LEPROT: variants seen among roughly 807,000 people sequenced by gnomAD.
The protein encoded by LEPROT is leptin receptor overlapping transcript, also known as leptin receptor gene-related protein.
A neutral mutation model predicts 15.4 loss-of-function variants in LEPROT; 3 were observed. That is an observed-to-expected ratio of 0.19 (90% confidence interval 0.09 to 0.50). LEPROT has a LOEUF of 0.50. Ranked by LOEUF, LEPROT falls within the 20% of genes least tolerant of loss-of-function variation. The pLI, the probability that LEPROT is intolerant of heterozygous loss-of-function variation, is 0.97. For missense variants in LEPROT, 137 were observed against 162.2 expected, an observed-to-expected ratio of 0.84 and a Z score of 0.84; for synonymous variants, 59 against 57.5, an observed-to-expected ratio of 1.03 and a Z score of -0.12.
chr1:65,430,118 T>A (rs1646457911), intron 3 of LEPROT, 70 bp downstream of exon 3: 2 of 1,319,636 alleles, frequency 1.5e-6, no homozygotes, highest in South Asian at 3.6e-5. Context: ...GTCTGGGACC[T>A]CCATTTCATG....
rs1646524429 is a variant in LEPROT, at chr1:65,434,031, T to C, written c.*2112T>C. 4 of 985,206 alleles carry C rather than the reference T, an allele frequency of 4.1e-6. No homozygotes were observed. Among genetic ancestry groups the C allele is most frequent in the Non-Finnish European group, 4.8e-6 (4 of 829,856 alleles). 61.0% of individuals were successfully genotyped at this position (985,206 alleles called of 1,614,324 possible). ...ATTTCTACTACATTTTGCAAAAGTG[T>C]TTTTGTTGCTTATACACATTTTCAA... On this transcript the variant is annotated 3_prime_UTR_variant, in exon 4 of 4. Transcript: ENST00000371065.
intron 3 of LEPROT, among the ~76,000 whole-genome samples, chr1:65,430,963 A>G (rs1646473817): frequency 6.6e-6 from 1 of 152,214 alleles, no homozygotes; most frequent in Non-Finnish European, 1.5e-5. Flanking sequence ...ATTCAAGTGT[A>G]AGAATGCAGT....
intron 3 of LEPROT, among the ~76,000 whole-genome samples, chr1:65,431,185 C>T (rs6660481): frequency 0.29 from 43,813 of 151,986 alleles, 7,950 homozygotes; most frequent in Non-Finnish European, 0.4. Flanking sequence ...CCTTCTTAAG[C>T]GCTGCAGTAA....
rs1299868966 is a variant in LEPROT at position 65,433,954 on chromosome 1, A to G, written c.*2035A>G. 4.1e-6 allele frequency: 4 copies of G among 985,028 alleles called. No individual in the cohort carries two copies. Among genetic ancestry groups the G allele is most frequent in the Non-Finnish European group, 4.8e-6 (4 of 829,680 alleles). The allele number at this position is 985,028 out of a possible 1,614,324, so 61.0% of individuals were successfully genotyped here. On this transcript the variant is annotated 3_prime_UTR_variant, in exon 4 of 4. Coordinates refer to ENST00000371065, the MANE Select transcript of LEPROT (RefSeq NM_017526.5). The stretch of plus-strand genomic sequence containing the variant: ...AATAAGTTTTAGGATACCATCTTGA[A>G]TGTCTAGTTGGTGTGCAATAGCTTT...
In LEPROT at chr1:65,434,595, T is replaced by G; in HGVS notation, c.*2676T>G. 1 of 985,430 alleles carries G rather than the reference T, an allele frequency of 1.0e-6. No individual in the cohort carries two copies. The allele number at this position is 985,430 out of a possible 1,614,324, so 61.0% of individuals were successfully genotyped here. On this transcript the variant is annotated 3_prime_UTR_variant, in exon 4 of 4. Transcript: ENST00000371065. ...TGATACTGAAGGTGCCTGCCTGAGTTTTGGGTCTCTGAGACAGGGTAGTGT... is the reference window on the plus strand; with the variant it reads ...TGATACTGAAGGTGCCTGCCTGAGTGTTGGGTCTCTGAGACAGGGTAGTGT...
intron 1 of LEPROT, among the ~76,000 whole-genome samples, chr1:65,423,364 G>GA (rs1409821056): frequency 3.3e-5 from 5 of 151,888 alleles, no homozygotes; most frequent in African/African-American, 1.2e-4. Context: ...TGTGATTCCT[G>GA]AAAAAAGAGG....
chr1:65,428,740 TAAG>T (rs1445313627), intron 2 of LEPROT, among the ~76,000 whole-genome samples: 1 of 152,168 alleles, frequency 6.6e-6, no homozygotes, highest in Non-Finnish European at 1.5e-5. Flanking sequence ...TTTTTTTTCT[TAAG>T]AAATGAAGCA....
rs1434865368 is a variant in LEPROT, at chr1:65,435,255, T to A, written c.*3336T>A. On this transcript the variant is annotated 3_prime_UTR_variant, in exon 4 of 4. Coordinates refer to ENST00000371065, the MANE Select transcript of LEPROT (RefSeq NM_017526.5). ...TAAGGAAGTCCTTACCTCTGAGGTA[T>A]CTCCTCAATGAATACTGTTTTCAAG... 7.1e-6 allele frequency: 7 copies of A among 984,084 alleles called. No homozygotes were observed. The highest frequency in any genetic ancestry group is 8.4e-6 in the Non-Finnish European group (7 of 828,862). 61.0% of individuals were successfully genotyped at this position (984,084 alleles called of 1,614,324 possible). A position where few individuals can be genotyped will look rare whatever the true frequency, so the allele number is the denominator to read the frequency against.
intron 1 of LEPROT, among the ~76,000 whole-genome samples, chr1:65,422,659 A>G (rs575893026): frequency 6.6e-6 from 1 of 152,344 alleles, no homozygotes; most frequent in African/African-American, 2.4e-5. Context: ...AAGGTGGAGT[A>G]TATCCCAAGT....
At chr1:65,424,516 C>G (rs1646318709) in intron 1 of LEPROT, among the ~76,000 whole-genome samples, 1 of 150,534 alleles carries the variant, frequency 6.6e-6, no homozygotes, top group African/African-American at 2.4e-5. Context: ...GGGTTAGGTA[C>G]TGGAATTACT....
Position 65,434,413 on chromosome 1 carries a change from T to G in LEPROT, c.*2494T>G. On this transcript the variant is annotated 3_prime_UTR_variant, in exon 4 of 4. Coordinates refer to ENST00000371065, the MANE Select transcript of LEPROT (RefSeq NM_017526.5). ...TTGCACTTCCAAAATTGGCCACAAG[T>G]AAATAATCTTATGAAGGGATTCTTT... 1 of 985,408 alleles carries G rather than the reference T, an allele frequency of 1.0e-6. No homozygotes were observed. Among genetic ancestry groups the G allele is most frequent in the Non-Finnish European group, 1.2e-6 (1 of 829,906 alleles). The allele number at this position is 985,408 out of a possible 1,614,324, so 61.0% of individuals were successfully genotyped here. A position where few individuals can be genotyped will look rare whatever the true frequency, so the allele number is the denominator to read the frequency against.
rs1262447033 is a variant in LEPROT at position 65,421,196 on chromosome 1, C to G, written c.16+456C>G. ...CTCTTTTTCCTAATGATTTTTCCAA[C>G]TGGGCAGAGTTGACCGCGGGCGGGT... On this transcript the variant is annotated intron_variant, in intron 1 of 3. Transcript: ENST00000371065. 1.6e-5 allele frequency: 14 copies of G among 891,792 alleles called. No individual in the cohort carries two copies. In the East Asian group the frequency reaches 3.9e-4, roughly 25 times the overall value. The allele number at this position is 891,792 out of a possible 1,614,324, so 55.2% of individuals were successfully genotyped here.
chr1:65,421,088 C>G (rs1276513733), intron 1 of LEPROT, among the ~76,000 whole-genome samples: 2 of 152,198 alleles, frequency 1.3e-5, no homozygotes, highest in Non-Finnish European at 2.9e-5. Flanking sequence ...CGCCTTTCTT[C>G]TGGTTTTCTG....
chr1:65,432,972 CA>C lies in LEPROT; in HGVS notation c.*1060del. On this transcript the variant is annotated 3_prime_UTR_variant, in exon 4 of 4. Coordinates refer to ENST00000371065, the MANE Select transcript of LEPROT (RefSeq NM_017526.5). ...AAAAAACAAAACATACTCTCTCCCC[CA>C]AAAAAACATCTCAGTGGGGAACAGA... 1.0e-6 allele frequency: 1 copy of C among 985,154 alleles called. No homozygotes were observed. Among genetic ancestry groups the C allele is most frequent in the Non-Finnish European group, 1.2e-6 (1 of 829,814 alleles). 61.0% of individuals were successfully genotyped at this position (985,154 alleles called of 1,614,324 possible).
intron 1 of LEPROT, chr1:65,421,321 T>C: frequency 3.3e-6 from 5 of 1,530,886 alleles, no homozygotes; most frequent in Non-Finnish European, 4.4e-6. Context: ...TCTCTGTTTA[T>C]GGACAGAGAA....
chr1:65,421,596 T>G (rs1468693806), intron 1 of LEPROT: 2 of 971,382 alleles, frequency 2.1e-6, no homozygotes, highest in Non-Finnish European at 3.1e-6. Flanking sequence ...AGATAGTATA[T>G]ATACGAGTAC....
Position 65,433,566 on chromosome 1 carries a change from A to G in LEPROT, c.*1647A>G, listed in dbSNP as rs1646517611. On this transcript the variant is annotated 3_prime_UTR_variant, in exon 4 of 4. Transcript: ENST00000371065. Reference sequence around the variant, plus strand: ...CTTGTGATCTGAGTAATTAGCAGGTATGATGCTGGGACTGGAAAATAGAAA... The same window carrying G: ...CTTGTGATCTGAGTAATTAGCAGGTGTGATGCTGGGACTGGAAAATAGAAA... The G allele has an allele frequency of 2.0e-6, 2 of 984,932 alleles. No homozygotes were observed. Among genetic ancestry groups the G allele is most frequent in the South Asian group, 9.6e-5 (2 of 20,840 alleles). The allele number at this position is 984,932 out of a possible 1,614,324, so 61.0% of individuals were successfully genotyped here.
In LEPROT at chr1:65,425,377, G is replaced by A. The variant is rs1329462375; in HGVS notation, c.91G>A (p.Gly31Ser). 1.3e-6 allele frequency: 2 copies of A among 1,596,216 alleles called. No homozygotes were observed. Among genetic ancestry groups the A allele is most frequent in the Non-Finnish European group, 8.5e-7 (1 of 1,174,932 alleles). ...LMLGCALEDYGVYWPLFVLIF... is the reference protein window; with the variant it reads ...LMLGCALEDYSVYWPLFVLIF... ...GCTGGGATGTGCCTTAGAGGATTATGGGTAAGTTATCATTTCAAAAAGAAC... is the reference window on the plus strand; with the variant it reads ...GCTGGGATGTGCCTTAGAGGATTATAGGTAAGTTATCATTTCAAAAAGAAC... Residue 31 changes from glycine (G) to serine (S), a missense_variant and splice_region_variant, in exon 2 of 4, where the codon GGC becomes AGC. Transcript: ENST00000371065.
Position 65,435,168 on chromosome 1 carries a change from C to T in LEPROT, c.*3249C>T, listed in dbSNP as rs1290136130. 2 of 985,212 alleles carry T rather than the reference C, an allele frequency of 2.0e-6. No individual in the cohort carries two copies. The highest frequency in any genetic ancestry group is 2.4e-6 in the Non-Finnish European group (2 of 829,944). The allele number at this position is 985,212 out of a possible 1,614,324, so 61.0% of individuals were successfully genotyped here. ...TCCTCAGGAGGAGTTCTGAGCTGGT[C>T]CTGCTTTTCATAGTTGTTTCTTTTC... On this transcript the variant is annotated 3_prime_UTR_variant, in exon 4 of 4. Transcript: ENST00000371065.
Sources: allele counts gnomAD v4.1 joint callset (sites outside exome capture counted in the v4.1 genomes callset), GRCh38; gene constraint gnomAD v4.1.1; transcripts MANE v1.5; gene names NCBI Gene and HGNC (gene_info 2026-07-23, HGNC 2026-07-21).